FOXP2: variants seen among roughly 807,000 people sequenced by gnomAD.
FOXP2 encodes the protein forkhead box P2, also known as forkhead box protein P2.
A neutral mutation model predicts 115.8 loss-of-function variants in FOXP2; 12 were observed. The ratio of observed to expected loss-of-function variants is 0.10; its 90% CI spans 0.07 to 0.17. The LOEUF is 0.17. FOXP2 is among the 10% of genes least tolerant of loss of function. The pLI is 1.00. For synonymous variants in FOXP2, 328 were observed against 297.7 expected, an observed-to-expected ratio of 1.10 and a Z score of -1.05; for missense variants, 629 against 843.5, an observed-to-expected ratio of 0.75 and a Z score of 3.15.
intron 1 of FOXP2, among the ~76,000 whole-genome samples, chr7:114,272,263 A>G (rs900629967): frequency 2.0e-5 from 3 of 151,080 alleles, no homozygotes; most frequent in African/African-American, 7.3e-5. Context: ...TAATTTTTAC[A>G]CAATATTGGA....
chr7:114,334,023 CAAACTTA>C (rs1797779214), intron 2 of FOXP2, among the ~76,000 whole-genome samples: 3 of 152,066 alleles, frequency 2.0e-5, no homozygotes, highest in African/African-American at 7.2e-5. Context: ...AAAGGAAATG[CAAACTTA>C]TTTGATTTAG....
intron 1 of FOXP2, among the ~76,000 whole-genome samples, chr7:114,420,797 T>C (rs1417446780): frequency 6.6e-6 from 1 of 151,796 alleles, no homozygotes; most frequent in Non-Finnish European, 1.5e-5. Flanking sequence ...TTTTAAAACA[T>C]TTAAATGATT....
intron 6 of FOXP2, among the ~76,000 whole-genome samples, chr7:114,636,882 A>G (rs1805251415): frequency 6.6e-6 from 1 of 152,144 alleles, no homozygotes; most frequent in Non-Finnish European, 1.5e-5. Context: ...GGATTAAGGA[A>G]TTATTATTAG....
chr7:114,607,893 T>C (rs1584946576), intron 3 of FOXP2, among the ~76,000 whole-genome samples: 1 of 152,322 alleles, frequency 6.6e-6, no homozygotes, highest in Non-Finnish European at 1.5e-5. Context: ...TAATAATTCC[T>C]GGCTAATTTC....
chr7:114,545,503 T>A (rs1479813019), intron 3 of FOXP2, among the ~76,000 whole-genome samples: 2 of 152,194 alleles, frequency 1.3e-5, no homozygotes, highest in African/African-American at 2.4e-5. Flanking sequence ...TTTAATTTTT[T>A]AAAATAATAT....
chr7:114,251,187 T>C (rs1342578735), intron 1 of FOXP2, among the ~76,000 whole-genome samples: 1 of 151,706 alleles, frequency 6.6e-6, no homozygotes, highest in Non-Finnish European at 1.5e-5. Flanking sequence ...CCATGCTGTT[T>C]TGGTTACTGT....
chr7:114,094,344 A>G (rs1799600733), intron 1 of FOXP2, among the ~76,000 whole-genome samples: 1 of 152,216 alleles, frequency 6.6e-6, no homozygotes. Context: ...ATTTTCATAT[A>G]AGCATAATGC....
At chr7:114,224,372 T>C (rs1281516152) in intron 1 of FOXP2, among the ~76,000 whole-genome samples, 1 of 152,178 alleles carries the variant, frequency 6.6e-6, no homozygotes, top group African/African-American at 2.4e-5. Context: ...CTGAGTGATA[T>C]TGAGTCTTCC....
At chr7:114,106,813 C>A (rs1791129955) in intron 1 of FOXP2, among the ~76,000 whole-genome samples, 1 of 151,682 alleles carries the variant, frequency 6.6e-6, no homozygotes, top group Non-Finnish European at 1.5e-5. Context: ...TAAATGCTAC[C>A]CCATTTTAAG....
intron 2 of FOXP2, among the ~76,000 whole-genome samples, chr7:114,430,736 T>C (rs1457054608): frequency 6.6e-6 from 1 of 151,940 alleles, no homozygotes; most frequent in African/African-American, 2.4e-5. Flanking sequence ...GCTGTGAACA[T>C]GTGCTCAGTC....
chr7:114,410,679 C>T (rs545525674), upstream of FOXP2, among the ~76,000 whole-genome samples: 1 of 152,208 alleles, frequency 6.6e-6, no homozygotes, highest in East Asian at 1.9e-4. Context: ...GGAGAGTTGA[C>T]TTTCAATAAA....
chr7:114,253,680 G>A (rs1416689155), intron 1 of FOXP2, among the ~76,000 whole-genome samples: 2 of 151,806 alleles, frequency 1.3e-5, no homozygotes, highest in Admixed American at 6.6e-5. Flanking sequence ...TTGAGCCTAT[G>A]TGTGTCTCTG....
intron 2 of FOXP2, 102 bp from the exon 3 acceptor site, chr7:114,534,515 T>C: frequency 1.1e-6 from 1 of 931,616 alleles, no homozygotes; most frequent in Non-Finnish European, 1.8e-6. Context: ...GAAAGGAATA[T>C]GGGAGTTCTT....
intron 2 of FOXP2, among the ~76,000 whole-genome samples, chr7:114,481,170 G>A (rs903522017): frequency 4.6e-5 from 7 of 151,142 alleles, no homozygotes; most frequent in Non-Finnish European, 1.0e-4. Context: ...GTCATTATGT[G>A]TATATAAAAT....
rs138368909 is a variant in FOXP2, at chr7:114,500,087, C to T, written c.169-34530C>T. On this transcript the variant is annotated intron_variant, in intron 2 of 16. Coordinates refer to ENST00000350908, the MANE Select transcript of FOXP2 (RefSeq NM_014491.4). ...AAAATTAGCCAGGCTTGGTGGCGGG[C>T]GCCTTGTAGTCCCAGCTACTTGGGA... is the stretch of plus-strand genomic sequence containing the variant. Among the ~76,000 whole-genome samples, 1,267 of 151,696 alleles carry T rather than the reference C, an allele frequency of 8.4e-3. 13 individuals carry two copies. The highest frequency in any genetic ancestry group is 0.028 in the African/African-American group (1,178 of 41,362).
rs570898297 is a variant in FOXP2 at position 114,108,927 on chromosome 7, C to T, written c.-247+21089C>T. ...CAATATTTGTCTGCCCTGTTTTTAG[C>T]GGAAAAAAATAGGCCTTCACATTTA... is the stretch of plus-strand genomic sequence containing the variant. On this transcript the variant is annotated intron_variant, in intron 1 of 19. Coordinates refer to the FOXP2 transcript ENST00000635638. Among the ~76,000 whole-genome samples the T allele has an allele frequency of 5.3e-5, 8 of 151,798 alleles. No homozygotes were observed. In the South Asian group the frequency reaches 8.3e-4, roughly 16 times the overall value.
chr7:114,671,564 C>T (rs185265604), intron 16 of FOXP2, among the ~76,000 whole-genome samples: 1 of 152,274 alleles, frequency 6.6e-6, no homozygotes, highest in Admixed American at 6.5e-5. Flanking sequence ...TTCATTTGCA[C>T]TAACACTAGT....
At chr7:114,517,412 T>C (rs893838508) in intron 2 of FOXP2, among the ~76,000 whole-genome samples, 4 of 152,186 alleles carry the variant, frequency 2.6e-5, no homozygotes, top group Middle Eastern at 3.2e-3. Flanking sequence ...CAAATAATTC[T>C]TGCCTACATC....
intron 16 of FOXP2, among the ~76,000 whole-genome samples, chr7:114,689,413 G>A (rs1466157248): frequency 5.3e-5 from 8 of 152,122 alleles, no homozygotes; most frequent in African/African-American, 1.9e-4. Flanking sequence ...AAAACTGAAT[G>A]GTAAAAGTGT....
Sources: allele counts gnomAD v4.1 joint callset (sites outside exome capture counted in the v4.1 genomes callset), GRCh38; gene constraint gnomAD v4.1.1; transcripts MANE v1.5; gene names NCBI Gene and HGNC (gene_info 2026-07-23, HGNC 2026-07-21).